Variants in TTC8 observed in about 807,000 individuals in gnomAD.
TTC8 encodes tetratricopeptide repeat domain 8.
In TTC8, 47 loss-of-function variants were observed where a neutral mutation model predicts 72.5. The ratio of observed to expected loss-of-function variants is 0.65; its 90% CI spans 0.51 to 0.83. The LOEUF (loss-of-function observed/expected upper bound fraction) is 0.83, where lower values mean the gene tolerates loss of function less well. TTC8 is among the 40% of genes least tolerant of loss of function. TTC8 has a pLI of 0.00. For missense variants in TTC8, 611 were observed against 623.2 expected, an observed-to-expected ratio of 0.98 and a Z score of 0.21; for synonymous variants, 199 against 221.4, an observed-to-expected ratio of 0.90 and a Z score of 0.90.
At chr14:88,847,180 T>C (rs368624902) in intron 7 of TTC8, among the ~76,000 whole-genome samples, 1 of 152,176 alleles carries the variant, frequency 6.6e-6, no homozygotes, top group Non-Finnish European at 1.5e-5. Flanking sequence ...TCAGGCAGGA[T>C]TGGAAAATAC....
chr14:88,827,193 T>C (rs2094705321), intron 1 of TTC8, among the ~76,000 whole-genome samples: 1 of 152,172 alleles, frequency 6.6e-6, no homozygotes, highest in Non-Finnish European at 1.5e-5. Flanking sequence ...AATTGAGATA[T>C]CAGGACTTGA....
At chr14:88,850,518 C>T (rs1246884403) in intron 7 of TTC8, among the ~76,000 whole-genome samples, 23 of 152,016 alleles carry the variant, frequency 1.5e-4, no homozygotes, top group Admixed American at 1.3e-3. Flanking sequence ...GGGGTGAAAC[C>T]GTGTCTCCAC....
At chr14:88,875,664 G>T (rs185621061) in intron 14 of TTC8, among the ~76,000 whole-genome samples, 1 of 152,154 alleles carries the variant, frequency 6.6e-6, no homozygotes, top group African/African-American at 2.4e-5. Flanking sequence ...TACTTGGAAG[G>T]TGAGTCTGTT....
chr14:88,840,719 A>G (rs1464881605), intron 3 of TTC8, 146 bp from the exon 4 acceptor site: 2 of 757,944 alleles, frequency 2.6e-6, no homozygotes, highest in Non-Finnish European at 4.6e-6. Context: ...ATTAAATATT[A>G]GTCTAAAACA....
chr14:88,858,497 T>C (rs2094867544), intron 9 of TTC8, among the ~76,000 whole-genome samples: 1 of 152,206 alleles, frequency 6.6e-6, no homozygotes, highest in Non-Finnish European at 1.5e-5. Context: ...TTATATAAAT[T>C]TACTGTGCTA....
At position 88,877,457 on chromosome 14, in the gene TTC8, G is replaced by A. The variant is rs747438227; in HGVS notation, c.*47G>A. 1.4e-6 allele frequency: 2 copies of A among 1,473,114 alleles called. No homozygotes were observed. Among genetic ancestry groups the A allele is most frequent in the African/African-American group, 1.4e-5 (1 of 72,076 alleles). The allele number at this position is 1,473,114 out of a possible 1,614,324, so 91.3% of individuals were successfully genotyped here. On this transcript the variant is annotated 3_prime_UTR_variant, in exon 15 of 15. Transcript: ENST00000380656. Reference sequence around the variant, plus strand: ...TTCTTATGAAGCAGCATTATGCAAGGGGAAAAAAGCACTATGTCTGTGTAT... The same window carrying A: ...TTCTTATGAAGCAGCATTATGCAAGAGGAAAAAAGCACTATGTCTGTGTAT...
At chr14:88,840,751 T>C in intron 3 of TTC8, 114 bp from the exon 4 acceptor site, 1 of 979,326 alleles carries the variant, frequency 1.0e-6, no homozygotes, top group Non-Finnish European at 1.6e-6. Context: ...AATACATTTC[T>C]TGCTATTAAT....
chr14:88,845,066 C>T (rs2094799833), intron 7 of TTC8, among the ~76,000 whole-genome samples: 1 of 151,804 alleles, frequency 6.6e-6, no homozygotes, highest in Admixed American at 6.6e-5. Context: ...AGTAAAGATC[C>T]ATGAAAATAA....
At chr14:88,834,448 C>T (rs1314935919) in intron 2 of TTC8, among the ~76,000 whole-genome samples, 2 of 152,026 alleles carry the variant, frequency 1.3e-5, no homozygotes, top group Admixed American at 6.6e-5. Context: ...CCCTACCAAG[C>T]GAGATGGAAT....
chr14:88,835,429 G>T (rs1298913728), intron 2 of TTC8, among the ~76,000 whole-genome samples: 1 of 152,172 alleles, frequency 6.6e-6, no homozygotes, highest in Non-Finnish European at 1.5e-5. Flanking sequence ...GACTAACTCA[G>T]TTGGTGAGTG....
chr14:88,847,447 G>T (rs1322545290), intron 7 of TTC8, among the ~76,000 whole-genome samples: 2 of 152,114 alleles, frequency 1.3e-5, no homozygotes, highest in African/African-American at 2.4e-5. Flanking sequence ...TTGAGAACTG[G>T]AGTCCCCATT....
rs948160026 is a variant in TTC8 at position 88,853,023 on chromosome 14, G to A, written c.677G>A (p.Trp226Ter). Residue 226 changes from tryptophan to a stop codon, truncating the protein, a stop_gained, in exon 8 of 15, where the codon TGG becomes TAG. Transcript: ENST00000380656. LOFTEE classifies it high-confidence loss of function. ...STEHSQYKDW[W>*]WKVQIGKCYY... is the part of the protein sequence containing the mutation. The stretch of plus-strand genomic sequence containing the variant: ...GAACATTCTCAGTACAAGGACTGGT[G>A]GTGGAAAGTACAGATTGGAAAATGT... The A allele has an allele frequency of 3.7e-6, 6 of 1,613,402 alleles. No homozygotes were observed. Among genetic ancestry groups the A allele is most frequent in the Admixed American group, 1.7e-5 (1 of 59,968 alleles).
chr14:88,870,137 G>T lies in TTC8; in HGVS notation c.988G>T (p.Ala330Ser). Residue 330 changes from alanine (A) to serine (S), a missense_variant, in exon 11 of 15, where the codon GCA becomes TCA. By Grantham distance (99) the Ala-to-Ser change is moderately conservative. Coordinates refer to ENST00000380656, the MANE Select transcript of TTC8 (RefSeq NM_144596.4). ...AGACAATACTCATGTGGAAGCCATC[G>T]CATGCATTGGAAGCAACCACTTCTA... ...KQDNTHVEAI[A>S]CIGSNHFYSD... The T allele has an allele frequency of 1.2e-6, 2 of 1,614,026 alleles. No individual in the cohort carries two copies. Among genetic ancestry groups the T allele is most frequent in the African/African-American group, 1.3e-5 (1 of 75,046 alleles).
chr14:88,839,478 G>T lies in TTC8; in HGVS notation c.171G>T (p.Ala57=). The part of the protein sequence containing the change: ...HQAAWILKAR[A]LTEMVYIDEI... The stretch of plus-strand genomic sequence containing the variant: ...CAGCTTGGATCTTAAAAGCAAGAGC[G>T]CTAACAGAAATGGTATACATAGATG... Residue 57 remains alanine, a synonymous_variant, in exon 3 of 15, where the codon GCG becomes GCT. Transcript: ENST00000380656. 6.2e-7 allele frequency: 1 copy of T among 1,612,932 alleles called. No homozygotes were observed. The highest frequency in any genetic ancestry group is 8.5e-7 in the Non-Finnish European group (1 of 1,179,350).
chr14:88,827,666 G>A lies in TTC8; in HGVS notation c.114+2845G>A, dbSNP rs185391830. ...GTGCTGTTATTACTCTATGTTTTTCGTAACACCAGTTTCTGTATTTTGCAC... is the reference window on the plus strand; with the variant it reads ...GTGCTGTTATTACTCTATGTTTTTCATAACACCAGTTTCTGTATTTTGCAC... On this transcript the variant is annotated intron_variant, in intron 1 of 14. Coordinates refer to ENST00000380656, the MANE Select transcript of TTC8 (RefSeq NM_144596.4). Among the ~76,000 whole-genome samples, 184 of 152,136 alleles carry A rather than the reference G, an allele frequency of 1.2e-3. 3 individuals are homozygous for A. Among genetic ancestry groups the A allele is most frequent in the Admixed American group, 2.9e-3 (45 of 15,272 alleles).
At chr14:88,867,736 A>G (rs2094917458) in intron 10 of TTC8, among the ~76,000 whole-genome samples, 4 of 152,220 alleles carry the variant, frequency 2.6e-5, no homozygotes, top group Admixed American at 6.5e-5. Context: ...TGTGTCCATT[A>G]ATTAAGTATA....
At chr14:88,856,073 C>G (rs1298963426) in intron 8 of TTC8, among the ~76,000 whole-genome samples, 2 of 152,166 alleles carry the variant, frequency 1.3e-5, no homozygotes, top group East Asian at 1.9e-4. Context: ...GACAGAGACT[C>G]TATCTCAAAA....
At chr14:88,846,014 A>C (rs1326692396) in intron 7 of TTC8, among the ~76,000 whole-genome samples, 1 of 152,120 alleles carries the variant, frequency 6.6e-6, no homozygotes, top group African/African-American at 2.4e-5. Context: ...TGGTCATTGA[A>C]GTCTCTCTGA....
At chr14:88,848,603 C>T (rs962260659) in intron 7 of TTC8, among the ~76,000 whole-genome samples, 1 of 152,040 alleles carries the variant, frequency 6.6e-6, no homozygotes, top group Non-Finnish European at 1.5e-5. Context: ...TAATAAATAG[C>T]ATGATGGAAT....
Sources: allele counts gnomAD v4.1 joint callset (sites outside exome capture counted in the v4.1 genomes callset), GRCh38; gene constraint gnomAD v4.1.1; transcripts MANE v1.5; gene names NCBI Gene and HGNC (gene_info 2026-07-23, HGNC 2026-07-21).